Variants in CENPC observed in about 807,000 individuals in gnomAD.
CENPC encodes the protein centromere protein C, also known as CENP-C 1.
CENPC carries 63 observed loss-of-function variants against 112.1 expected under a neutral mutation model. The observed-to-expected ratio is 0.56, with a 90% confidence interval of 0.46 to 0.69. CENPC has a LOEUF of 0.69. CENPC is among the 30% of genes least tolerant of loss of function. CENPC has a pLI of 0.00. For missense variants in CENPC, 1,000 were observed against 1,103.8 expected (o/e 0.91, Z 1.33); for synonymous variants, 333 against 367.6 (o/e 0.91, Z 1.08).
Position 67,495,151 on chromosome 4 carries a change from A to G in CENPC, c.2185+8T>C, listed in dbSNP as rs1725394903. On this transcript the variant is annotated splice_region_variant and intron_variant, in intron 13 of 18. Transcript: ENST00000273853. ...AATGAAAATATTAAAAAAGAAAAAT[A>G]TTCTTACCTAGTTTGTGATGGATTC... 1 of 1,510,536 alleles carries G rather than the reference A, an allele frequency of 6.6e-7. No individual in the cohort carries two copies. The highest frequency in any genetic ancestry group is 8.8e-7 in the Non-Finnish European group (1 of 1,133,146). The allele number at this position is 1,510,536 out of a possible 1,614,324, so 93.6% of individuals were successfully genotyped here.
intron 12 of CENPC, among the ~76,000 whole-genome samples, chr4:67,497,839 G>A (rs1441333805): frequency 4.0e-5 from 6 of 151,072 alleles, no homozygotes. Context: ...CAAAAGTTAT[G>A]TCTATACTAT....
intron 7 of CENPC, among the ~76,000 whole-genome samples, chr4:67,515,550 T>C (rs894385987): frequency 2.6e-5 from 4 of 151,808 alleles, no homozygotes; most frequent in Non-Finnish European, 5.9e-5. Context: ...TCTTCATACA[T>C]AGCAACACCA....
intron 5 of CENPC, among the ~76,000 whole-genome samples, chr4:67,524,719 A>G (rs1726324618): frequency 6.6e-6 from 1 of 152,220 alleles, no homozygotes; most frequent in African/African-American, 2.4e-5. Context: ...GCTCATGGAT[A>G]TGAAGAATCA....
intron 17 of CENPC, among the ~76,000 whole-genome samples, chr4:67,481,394 A>G (rs1429291512): frequency 6.6e-6 from 1 of 152,200 alleles, no homozygotes. Context: ...AAAGAACTAG[A>G]AAAAGCAATC....
At chr4:67,533,303 G>A (rs1410549264) in intron 4 of CENPC, among the ~76,000 whole-genome samples, 1 of 152,212 alleles carries the variant, frequency 6.6e-6, no homozygotes, top group Admixed American at 6.5e-5. Flanking sequence ...CATGGAAGAA[G>A]TGCCTTTCGC....
At position 67,533,026 on chromosome 4, in the gene CENPC, G is replaced by T. The variant is rs1225404535; in HGVS notation, c.232-2112C>A. ...GGGACCTCTGTCACAAGTGGTAGCAGAAGTGTGGACACAGTATCAGCACAG... is the reference window on the plus strand; with the variant it reads ...GGGACCTCTGTCACAAGTGGTAGCATAAGTGTGGACACAGTATCAGCACAG... On this transcript the variant is annotated intron_variant, in intron 4 of 18. Coordinates refer to ENST00000273853, the MANE Select transcript of CENPC (RefSeq NM_001812.4). Among the ~76,000 whole-genome samples, 3 of 152,232 alleles carry T rather than the reference G, an allele frequency of 2.0e-5. No homozygotes were observed. In the East Asian group the frequency reaches 5.8e-4, roughly 29 times the overall value.
chr4:67,543,559 T>A (rs987418061), intron 2 of CENPC, among the ~76,000 whole-genome samples: 1 of 152,180 alleles, frequency 6.6e-6, no homozygotes, highest in Non-Finnish European at 1.5e-5. Flanking sequence ...CAAATGTACA[T>A]ATACATTTTC....
chr4:67,478,910 C>T (rs1724881102), intron 17 of CENPC, among the ~76,000 whole-genome samples: 1 of 152,118 alleles, frequency 6.6e-6, no homozygotes, highest in Non-Finnish European at 1.5e-5. Context: ...CAAAAGAGAG[C>T]AGGAGTAGCT....
chr4:67,490,842 ATAT>A (rs1560422678), intron 16 of CENPC, among the ~76,000 whole-genome samples: 974 of 9,342 alleles, frequency 0.1, 9 homozygotes, highest in Middle Eastern at 0.33. Flanking sequence ...AAATAAATAT[ATAT>A]ATATATATAT....
At chr4:67,477,184 G>A (rs561300036) in intron 17 of CENPC, among the ~76,000 whole-genome samples, 1 of 152,158 alleles carries the variant, frequency 6.6e-6, no homozygotes, top group African/African-American at 2.4e-5. Context: ...ATCAGCAGAT[G>A]CTCTCTTGAA....
chr4:67,484,535 A>G (rs1405318952), intron 17 of CENPC, among the ~76,000 whole-genome samples: 2 of 152,212 alleles, frequency 1.3e-5, no homozygotes, highest in Non-Finnish European at 2.9e-5. Flanking sequence ...TCTCTCAGGC[A>G]CATGAACCCT....
intron 5 of CENPC, 94 bp downstream of exon 5, chr4:67,530,721 C>T (rs181129045): frequency 1.8e-6 from 1 of 543,370 alleles, no homozygotes; most frequent in African/African-American, 2.0e-5. Flanking sequence ...TAGGCTGACC[C>T]TGACCTTCAT....
chr4:67,507,496 T>C (rs796534100), intron 10 of CENPC, among the ~76,000 whole-genome samples: 1 of 152,132 alleles, frequency 6.6e-6, no homozygotes, highest in Non-Finnish European at 1.5e-5. Context: ...AACAACTGTA[T>C]GCCAACAAAT....
chr4:67,514,053 A>T (rs766987444), intron 8 of CENPC, 21 bp downstream of exon 8: 1 of 1,541,716 alleles, frequency 6.5e-7, no homozygotes, highest in South Asian at 1.3e-5. Flanking sequence ...GCTCATGGTT[A>T]TATTTAATAT....
At chr4:67,532,316 A>C (rs1726577577) in intron 4 of CENPC, among the ~76,000 whole-genome samples, 2 of 152,176 alleles carry the variant, frequency 1.3e-5, no homozygotes, top group Non-Finnish European at 2.9e-5. Flanking sequence ...AAACTAGTTC[A>C]ACCATTGTGG....
chr4:67,496,981 T>C (rs1414695436), intron 12 of CENPC, among the ~76,000 whole-genome samples: 1 of 143,402 alleles, frequency 7.0e-6, no homozygotes, highest in Non-Finnish European at 1.5e-5. Flanking sequence ...CCTGTGACAC[T>C]GGGCCTCGGA....
chr4:67,479,397 T>G (rs1227482836), intron 17 of CENPC, among the ~76,000 whole-genome samples: 1 of 152,084 alleles, frequency 6.6e-6, no homozygotes, highest in Non-Finnish European at 1.5e-5. Context: ...TCGAATAAAA[T>G]TGGAAGTCAA....
chr4:67,476,375 C>T (rs945678711), intron 17 of CENPC, among the ~76,000 whole-genome samples: 1 of 152,184 alleles, frequency 6.6e-6, no homozygotes, highest in Non-Finnish European at 1.5e-5. Flanking sequence ...TGCCTCCAAA[C>T]ACATCCTTAC....
intron 5 of CENPC, among the ~76,000 whole-genome samples, chr4:67,523,310 C>CT (rs1553896549): frequency 5.3e-5 from 8 of 150,960 alleles, no homozygotes; most frequent in African/African-American, 1.2e-4. Context: ...GAGACTCTCT[C>CT]AAAAAAACAA....
Sources: allele counts gnomAD v4.1 joint callset (sites outside exome capture counted in the v4.1 genomes callset), GRCh38; gene constraint gnomAD v4.1.1; transcripts MANE v1.5; gene names NCBI Gene and HGNC (gene_info 2026-07-23, HGNC 2026-07-21).